Variants in ASRGL1 observed in about 807,000 individuals in gnomAD.
The protein encoded by ASRGL1 is asparaginase and isoaspartyl peptidase 1, also known as isoaspartyl peptidase/L-asparaginase.
ASRGL1 carries 16 observed loss-of-function variants against 22.4 expected under a neutral mutation model. The observed-to-expected ratio is 0.71, with a 90% CI of 0.48 to 1.08. The LOEUF (loss-of-function observed/expected upper bound fraction) is 1.08, where lower values mean the gene tolerates loss of function less well. Ranked by LOEUF, ASRGL1 falls within the 50% of genes least tolerant of loss-of-function variation. The probability of loss-of-function intolerance (pLI) is 0.00; values close to 1 mark genes in which losing one functional copy is unlikely to be tolerated. For missense variants in ASRGL1, 412 were observed against 410.1 expected, an observed-to-expected ratio of 1.00 and a Z score of -0.04; for synonymous variants, 165 against 159.3, an observed-to-expected ratio of 1.04 and a Z score of -0.27.
intron 4 of ASRGL1, among the ~76,000 whole-genome samples, chr11:62,379,076 A>G (rs1947001595): frequency 6.6e-6 from 1 of 152,132 alleles, no homozygotes; most frequent in Admixed American, 6.5e-5. Flanking sequence ...ATAAATCTCA[A>G]CCCCACAGAT....
intron 4 of ASRGL1, among the ~76,000 whole-genome samples, chr11:62,378,978 G>T (rs1439245169): frequency 6.6e-6 from 1 of 151,926 alleles, no homozygotes; most frequent in East Asian, 1.9e-4. Context: ...TCCCTTTCCT[G>T]GTATATATCC....
intron 4 of ASRGL1, among the ~76,000 whole-genome samples, chr11:62,370,692 T>C (rs1392354876): frequency 6.6e-6 from 1 of 152,188 alleles, no homozygotes; most frequent in Non-Finnish European, 1.5e-5. Flanking sequence ...TGTGGTAGCA[T>C]TGACCTCAAG....
downstream of ASRGL1, among the ~76,000 whole-genome samples, chr11:62,396,385 G>A (rs1014645096): frequency 4.6e-5 from 7 of 152,110 alleles, no homozygotes; most frequent in South Asian, 2.1e-4. Context: ...AGCCACAGCC[G>A]TCCATAGCAC....
At chr11:62,368,991 A>G (rs1475086413) in intron 4 of ASRGL1, among the ~76,000 whole-genome samples, 2 of 152,120 alleles carry the variant, frequency 1.3e-5, no homozygotes, top group Admixed American at 6.5e-5. Context: ...ACAACTGCAA[A>G]GAGGCCTTCC....
intron 6 of ASRGL1, 167 bp from the exon 7 acceptor site, chr11:62,391,912 G>A (rs1565177327): frequency 1.7e-5 from 14 of 820,970 alleles, no homozygotes; most frequent in Non-Finnish European, 1.9e-6. Context: ...GCTGATGCTA[G>A]GGCGCTGTCT....
At chr11:62,342,911 C>T (rs1004213661) in intron 2 of ASRGL1, among the ~76,000 whole-genome samples, 1 of 152,140 alleles carries the variant, frequency 6.6e-6, no homozygotes, top group Non-Finnish European at 1.5e-5. Context: ...TATGAATATA[C>T]CACAGTTGGT....
At chr11:62,387,921 A>C (rs1947252333) in intron 4 of ASRGL1, among the ~76,000 whole-genome samples, 2 of 152,218 alleles carry the variant, frequency 1.3e-5, no homozygotes, top group African/African-American at 4.8e-5. Flanking sequence ...CAACTGTGTT[A>C]CAGTCACGCG....
intron 4 of ASRGL1, chr11:62,371,123 C>G: frequency 1.1e-6 from 1 of 925,352 alleles, no homozygotes; most frequent in Non-Finnish European, 1.5e-6. Context: ...TCACTCCAAC[C>G]AGCCGCAACC....
At chr11:62,341,530 C>T (rs1314780102) in intron 2 of ASRGL1, among the ~76,000 whole-genome samples, 2 of 152,054 alleles carry the variant, frequency 1.3e-5, no homozygotes, top group African/African-American at 4.8e-5. Context: ...TATCCAGTCT[C>T]TTTCTGGACT....
chr11:62,380,160 A>G (rs974684371), intron 4 of ASRGL1, among the ~76,000 whole-genome samples: 3 of 152,082 alleles, frequency 2.0e-5, no homozygotes, highest in East Asian at 3.9e-4. Context: ...AGCTCCTCCA[A>G]TTCCATCATA....
rs1333545878 is a variant in ASRGL1, at chr11:62,338,166, A to G, written c.189A>G (p.Ala63=). 3.2e-6 allele frequency: 5 copies of G among 1,559,786 alleles called. No individual in the cohort carries two copies. The Admixed American group carries it at 7.8e-5, about 24-fold the overall frequency. ...TGGAAGACGATCCCGAGTTCAACGCAGGTAAATGTGCCTTTCAGCTAGTAA... is the reference window on the plus strand; with the variant it reads ...TGGAAGACGATCCCGAGTTCAACGCGGGTAAATGTGCCTTTCAGCTAGTAA... ...VALEDDPEFN[A]GCGSVLNTNG... is the part of the protein sequence containing the mutation. The change falls in exon 2 of 7, where the codon GCA becomes GCG. Residue 63 remains alanine, a splice_region_variant and synonymous_variant. Coordinates refer to ENST00000415229, the MANE Select transcript of ASRGL1 (RefSeq NM_001083926.2).
At chr11:62,356,819 A>T (rs1946307939) in intron 3 of ASRGL1, among the ~76,000 whole-genome samples, 168 bp from the exon 4 acceptor site, 1 of 152,214 alleles carries the variant, frequency 6.6e-6, no homozygotes, top group Non-Finnish European at 1.5e-5. Context: ...TTTTTAATAC[A>T]AAAACTCAGT....
At chr11:62,384,012 A>ATGTG (rs199693523) in intron 4 of ASRGL1, among the ~76,000 whole-genome samples, 3 of 150,640 alleles carry the variant, frequency 2.0e-5, no homozygotes, top group East Asian at 1.9e-4. Context: ...GTGTGTGTGC[A>ATGTG]TGTGTGTGTG....
At chr11:62,357,577 T>C (rs988570321) in intron 4 of ASRGL1, among the ~76,000 whole-genome samples, 5 of 152,002 alleles carry the variant, frequency 3.3e-5, no homozygotes, top group Non-Finnish European at 7.4e-5. Context: ...CATGATTTAG[T>C]AGAAGAATTT....
At chr11:62,359,793 T>C (rs1365152591) in intron 4 of ASRGL1, among the ~76,000 whole-genome samples, 3 of 152,086 alleles carry the variant, frequency 2.0e-5, no homozygotes, top group Non-Finnish European at 4.4e-5. Flanking sequence ...GAATTATGAA[T>C]GGTTTTATTT....
chr11:62,357,735 T>G (rs1166992165), intron 4 of ASRGL1, among the ~76,000 whole-genome samples: 1 of 152,172 alleles, frequency 6.6e-6, no homozygotes, highest in Non-Finnish European at 1.5e-5. Flanking sequence ...GAAATTCAAA[T>G]TAGTCATTTT....
At chr11:62,389,349 T>C in intron 5 of ASRGL1, 98 bp downstream of exon 5, 1 of 1,178,602 alleles carries the variant, frequency 8.5e-7, no homozygotes, top group Non-Finnish European at 1.3e-6. Context: ...CTTGCTGCGT[T>C]CCCTTTCTGC....
intron 2 of ASRGL1, among the ~76,000 whole-genome samples, chr11:62,356,036 C>A (rs1055877507): frequency 1.3e-5 from 2 of 152,244 alleles, no homozygotes; most frequent in African/African-American, 2.4e-5. Flanking sequence ...TACACAGACA[C>A]GGCAACCATC....
chr11:62,395,491 G>T (rs115459095), downstream of ASRGL1, among the ~76,000 whole-genome samples: 883 of 152,278 alleles, frequency 5.8e-3, 9 homozygotes, highest in African/African-American at 0.02. Flanking sequence ...CCTTGATCTC[G>T]TAGCTGTTGC....
Sources: allele counts gnomAD v4.1 joint callset (sites outside exome capture counted in the v4.1 genomes callset), GRCh38; gene constraint gnomAD v4.1.1; transcripts MANE v1.5; gene names NCBI Gene and HGNC (gene_info 2026-07-23, HGNC 2026-07-21).